The following MDGA2 variants were observed in gnomAD, a reference collection of about 807,000 sequenced individuals.
MDGA2 encodes the protein MAM domain-containing glycosylphosphatidylinositol anchor protein 2.
MDGA2 carries 40 observed loss-of-function variants against 117.8 expected under a neutral mutation model. The ratio of observed to expected loss-of-function variants is 0.34; its 90% CI spans 0.26 to 0.44. MDGA2 has a LOEUF of 0.44. MDGA2 is among the 20% of genes least tolerant of loss of function. MDGA2 has a pLI of 1.00. For missense variants in MDGA2, 1,123 were observed against 1,250.6 expected (o/e 0.90, Z 1.54); for synonymous variants, 452 against 439.0 (o/e 1.03, Z -0.37).
At chr14:47,640,925 G>C (rs1300098953) in intron 1 of MDGA2, among the ~76,000 whole-genome samples, 3 of 152,028 alleles carry the variant, frequency 2.0e-5, no homozygotes, top group Non-Finnish European at 2.9e-5. Context: ...GTACTATAGA[G>C]CTTACTATGA....
intron 1 of MDGA2, among the ~76,000 whole-genome samples, chr14:47,465,373 A>G (rs1352808132): frequency 6.6e-6 from 1 of 152,190 alleles, no homozygotes; most frequent in African/African-American, 2.4e-5. Flanking sequence ...AGCAAAAGAC[A>G]TTATTAACAG....
intron 1 of MDGA2, among the ~76,000 whole-genome samples, chr14:47,328,872 T>A (rs1206014997): frequency 6.6e-6 from 1 of 152,106 alleles, no homozygotes; most frequent in Non-Finnish European, 1.5e-5. Flanking sequence ...ATAAGTGTTT[T>A]GGAAGGCACT....
intron 8 of MDGA2, among the ~76,000 whole-genome samples, chr14:47,014,049 C>A (rs1245537681): frequency 6.6e-6 from 1 of 151,878 alleles, no homozygotes; most frequent in Non-Finnish European, 1.5e-5. Context: ...CCCACCTTGT[C>A]CTCCCAAAGT....
intron 1 of MDGA2, among the ~76,000 whole-genome samples, chr14:47,647,307 C>T (rs1444009435): frequency 6.6e-6 from 1 of 152,114 alleles, no homozygotes; most frequent in African/African-American, 2.4e-5. Context: ...AGCAGTAACA[C>T]ACATGGCCTA....
In MDGA2 at chr14:47,058,685, G is replaced by A. The variant is rs912262578; in HGVS notation, c.1525+2564C>T. On this transcript the variant is annotated intron_variant, in intron 7 of 16. Transcript: ENST00000399232. ...TCTCAGATTTATAGAACTTTATACT[G>A]CATTCTAGTATTCCACTCTATTGTA... is the stretch of plus-strand genomic sequence containing the variant. The A allele has an allele frequency of 4.1e-6, 4 of 985,154 alleles. No individual in the cohort carries two copies. The African/African-American group carries it at 7.0e-5, about 17-fold the overall frequency. The allele number at this position is 985,154 out of a possible 1,614,324, so 61.0% of individuals were successfully genotyped here.
At chr14:47,267,479 C>G (rs529492569) in intron 2 of MDGA2, among the ~76,000 whole-genome samples, 1 of 151,888 alleles carries the variant, frequency 6.6e-6, no homozygotes, top group South Asian at 2.1e-4. Flanking sequence ...TTATTTATGT[C>G]ATTTTTTTTC....
At chr14:47,498,275 C>A (rs553519134) in intron 1 of MDGA2, among the ~76,000 whole-genome samples, 1 of 152,150 alleles carries the variant, frequency 6.6e-6, no homozygotes, top group Admixed American at 6.5e-5. Flanking sequence ...GTAATATAAT[C>A]CTTTTCATTT....
intron 14 of MDGA2, among the ~76,000 whole-genome samples, chr14:46,861,336 A>G (rs187048834): frequency 6.6e-6 from 1 of 152,018 alleles, no homozygotes; most frequent in African/African-American, 2.4e-5. Context: ...ATTATAGGGT[A>G]TCGTGCCAGT....
chr14:47,009,653 G>C (rs1887828461), intron 8 of MDGA2, among the ~76,000 whole-genome samples: 1 of 152,006 alleles, frequency 6.6e-6, no homozygotes, highest in Non-Finnish European at 1.5e-5. Flanking sequence ...ACACTAAATT[G>C]TCATTCTGTC....
intron 1 of MDGA2, among the ~76,000 whole-genome samples, chr14:47,509,093 T>G (rs180878044): frequency 6.6e-6 from 1 of 152,156 alleles, no homozygotes; most frequent in Admixed American, 6.5e-5. Context: ...TTCACACACT[T>G]CACACACACA....
At chr14:47,013,790 A>ATATATATATC (rs768237823) in intron 8 of MDGA2, among the ~76,000 whole-genome samples, 48 of 133,106 alleles carry the variant, frequency 3.6e-4, no homozygotes, top group Non-Finnish European at 5.9e-4. Context: ...ATATATATAT[A>ATATATATATC]TATCTCCTTT....
intron 1 of MDGA2, among the ~76,000 whole-genome samples, chr14:47,403,972 C>T (rs145677860): frequency 3.5e-4 from 53 of 152,222 alleles, no homozygotes; most frequent in African/African-American, 1.2e-3. Context: ...TCTCACCATA[C>T]AGCTGCACAA....
chr14:46,958,442 T>G (rs1045038419), intron 8 of MDGA2, among the ~76,000 whole-genome samples: 2 of 152,202 alleles, frequency 1.3e-5, no homozygotes, highest in Admixed American at 1.3e-4. Flanking sequence ...TCTTCTAAAA[T>G]TTTTAAATAA....
At chr14:47,107,383 C>G (rs1449318190) in intron 5 of MDGA2, among the ~76,000 whole-genome samples, 2 of 152,122 alleles carry the variant, frequency 1.3e-5, no homozygotes, top group Non-Finnish European at 2.9e-5. Context: ...CCCATATACT[C>G]TCCTATCCTC....
At chr14:47,485,655 C>A (rs996306154) in intron 1 of MDGA2, among the ~76,000 whole-genome samples, 1 of 152,116 alleles carries the variant, frequency 6.6e-6, no homozygotes, top group Non-Finnish European at 1.5e-5. Context: ...AAAGTGGTTT[C>A]TTGGGCTGGG....
chr14:47,567,983 T>A (rs1417448419), intron 1 of MDGA2, among the ~76,000 whole-genome samples: 1 of 152,066 alleles, frequency 6.6e-6, no homozygotes, highest in African/African-American at 2.4e-5. Context: ...AATAAGAATC[T>A]AGCCTTACAG....
At chr14:47,361,157 T>G (rs889957313) in intron 1 of MDGA2, among the ~76,000 whole-genome samples, 3 of 151,962 alleles carry the variant, frequency 2.0e-5, no homozygotes, top group African/African-American at 7.3e-5. Context: ...CATTTCACTA[T>G]GTATATGTAT....
intron 1 of MDGA2, among the ~76,000 whole-genome samples, chr14:47,407,326 T>G (rs1223719304): frequency 6.6e-6 from 1 of 152,210 alleles, no homozygotes; most frequent in East Asian, 1.9e-4. Flanking sequence ...ATTTACAAAT[T>G]ATTTACTACT....
chr14:47,099,431 A>G (rs1347319085), intron 5 of MDGA2, among the ~76,000 whole-genome samples: 1 of 151,990 alleles, frequency 6.6e-6, no homozygotes, highest in Non-Finnish European at 1.5e-5. Flanking sequence ...TTTAAGGAAA[A>G]TATTTCATAT....
Sources: allele counts gnomAD v4.1 joint callset (sites outside exome capture counted in the v4.1 genomes callset), GRCh38; gene constraint gnomAD v4.1.1; transcripts MANE v1.5; gene names NCBI Gene and HGNC (gene_info 2026-07-23, HGNC 2026-07-21).